The following CGNL1 variants were observed in gnomAD, a reference collection of about 807,000 sequenced individuals.
The protein encoded by CGNL1 is cingulin like 1, also known as cingulin-like protein 1.
Under a neutral mutation model 141.2 loss-of-function variants are expected in CGNL1, and 132 were observed. The ratio of observed to expected loss-of-function variants is 0.93; its 90% CI spans 0.81 to 1.08. CGNL1 has a LOEUF of 1.08. Ranked by LOEUF, CGNL1 falls within the 50% of genes least tolerant of loss-of-function variation. The pLI is 0.00. For missense variants in CGNL1, 1,870 were observed against 1,588.6 expected (o/e 1.18, Z -3.01); for synonymous variants, 690 against 622.1 (o/e 1.11, Z -1.63).
intron 1 of CGNL1, among the ~76,000 whole-genome samples, chr15:57,398,930 G>C (rs2062630760): frequency 6.6e-6 from 1 of 151,928 alleles, no homozygotes; most frequent in Non-Finnish European, 1.5e-5. Flanking sequence ...GAAAATCCAG[G>C]CCCTTTAAAT....
At position 57,518,999 on chromosome 15, in the gene CGNL1, T is replaced by G. The variant is rs554468373; in HGVS notation, c.2715+502T>G. Among the ~76,000 whole-genome samples the G allele has an allele frequency of 9.0e-4, 137 of 152,358 alleles. 1 individual carries two copies. The South Asian group carries it at 9.1e-3, about 10-fold the overall frequency. Reference sequence around the variant, plus strand: ...TTCTCCTGTGGGCAAATGCACTCTATAGAGTACATTCCTTCAGGATGGCTA... The same window carrying G: ...TTCTCCTGTGGGCAAATGCACTCTAGAGAGTACATTCCTTCAGGATGGCTA... On this transcript the variant is annotated intron_variant, in intron 10 of 18. Transcript: ENST00000281282.
chr15:57,462,078 C>T (rs1595729163), intron 8 of CGNL1, among the ~76,000 whole-genome samples, 186 bp downstream of exon 8: 1 of 152,152 alleles, frequency 6.6e-6, no homozygotes, highest in Non-Finnish European at 1.5e-5. Context: ...CTTTTAAAGT[C>T]TATAAACTGA....
At chr15:57,468,651 C>G (rs1039691784) in intron 8 of CGNL1, among the ~76,000 whole-genome samples, 6 of 151,712 alleles carry the variant, frequency 4.0e-5, no homozygotes, top group Admixed American at 6.6e-5. Flanking sequence ...ATTATGGAGA[C>G]TATTTTTAGT....
chr15:57,390,252 T>C (rs1280268445), intron 1 of CGNL1, among the ~76,000 whole-genome samples: 1 of 152,238 alleles, frequency 6.6e-6, no homozygotes, highest in Admixed American at 6.5e-5. Flanking sequence ...TTGAGGTCTA[T>C]TCCACATGTG....
At chr15:57,435,408 T>G (rs35481814) in intron 1 of CGNL1, among the ~76,000 whole-genome samples, 41,931 of 121,996 alleles carry the variant, frequency 0.34, 6,533 homozygotes, top group Non-Finnish European at 0.4. Context: ...AATTTGCAGG[T>G]TTTTTTGTTT....
intron 1 of CGNL1, among the ~76,000 whole-genome samples, chr15:57,435,144 T>C (rs2063090173): frequency 6.6e-6 from 1 of 152,250 alleles, no homozygotes; most frequent in African/African-American, 2.4e-5. Context: ...CAGTAATCGA[T>C]CATTAACGCT....
At position 57,442,182 on chromosome 15, in the gene CGNL1, G is replaced by GAAAAAAAAAAAAAAAA. The variant is rs61564944; in HGVS notation, c.1698-185_1698-170dup. Among the ~76,000 whole-genome samples the GAAAAAAAAAAAAAAAA allele has an allele frequency of 1.9e-3, 182 of 96,500 alleles. 14 individuals are homozygous for GAAAAAAAAAAAAAAAA. The highest frequency in any genetic ancestry group is 7.5e-3 in the African/African-American group (175 of 23,292). 63.3% of individuals were successfully genotyped at this position (96,500 alleles called of 152,430 possible). A position where few individuals can be genotyped will look rare whatever the true frequency, so the allele number is the denominator to read the frequency against. ...TTGAGTGGTAACACATCATTTATTTGAAAAAAAAAAAAAAAAAAAAAGACA... is the reference window on the plus strand; with the variant it reads ...TTGAGTGGTAACACATCATTTATTTGAAAAAAAAAAAAAAAAAAAAAAAAAAAAAAAAAAAAAGACA... On this transcript the variant is annotated intron_variant, in intron 3 of 18. Transcript: ENST00000281282.
chr15:57,537,257 G>A (rs373029762), intron 14 of CGNL1, among the ~76,000 whole-genome samples: 1 of 152,168 alleles, frequency 6.6e-6, no homozygotes, highest in East Asian at 1.9e-4. Flanking sequence ...GGTCTCTCCA[G>A]GGACTGAGCA....
chr15:57,447,544 T>C (rs1243300272), intron 4 of CGNL1, among the ~76,000 whole-genome samples: 1 of 152,252 alleles, frequency 6.6e-6, no homozygotes, highest in East Asian at 1.9e-4. Context: ...GTGCTTTTAA[T>C]AATTTATCTT....
rs148531212 is a variant in CGNL1, at chr15:57,527,947, A to G, written c.3040-707A>G. ...TAAGGGGCTCTCGAGAGGTTTTAAC[A>G]TGACCTAGTAAAAACGACATTTTGC... On this transcript the variant is annotated intron_variant, in intron 12 of 18. Coordinates refer to ENST00000281282, the MANE Select transcript of CGNL1 (RefSeq NM_032866.5). 3.2e-3 allele frequency among the ~76,000 whole-genome samples: 489 copies of G among 152,338 alleles called. 1 individual carries two copies. Among genetic ancestry groups the G allele is most frequent in the Middle Eastern group, 0.014 (4 of 294 alleles).
chr15:57,439,894 A>C (rs1413244716), intron 2 of CGNL1, among the ~76,000 whole-genome samples: 3 of 152,168 alleles, frequency 2.0e-5, no homozygotes, highest in African/African-American at 7.2e-5. Context: ...TATGCATGAA[A>C]TCTGAAAGTA....
chr15:57,428,734 C>T (rs1272589076), intron 1 of CGNL1, among the ~76,000 whole-genome samples: 3 of 152,088 alleles, frequency 2.0e-5, no homozygotes, highest in Admixed American at 2.0e-4. Flanking sequence ...GTCATAAAAA[C>T]AGACTGTGGG....
chr15:57,464,771 A>G (rs1464800862), intron 8 of CGNL1, among the ~76,000 whole-genome samples: 1 of 105,446 alleles, frequency 9.5e-6, no homozygotes, highest in African/African-American at 3.8e-5. Flanking sequence ...TTTTTTTGAG[A>G]TGGAGTCTTG....
chr15:57,469,250 C>A (rs550298594), intron 8 of CGNL1, among the ~76,000 whole-genome samples: 3 of 151,492 alleles, frequency 2.0e-5, no homozygotes, highest in Admixed American at 1.3e-4. Context: ...GAGCAGGCAT[C>A]GTCTCTGGGT....
rs755408452 is a variant in CGNL1, at chr15:57,453,818, G to T, written c.2190G>T (p.Glu730Asp). 3.1e-6 allele frequency: 5 copies of T among 1,613,034 alleles called. No individual in the cohort carries two copies. Among genetic ancestry groups the T allele is most frequent in the Middle Eastern group, 1.7e-4 (1 of 5,750 alleles). Reference sequence around the variant, plus strand: ...ACAGGGAGAAGGGAGCTCTGATTGAGGTAAGCAGGGCTGTGGGGTCAGGTG... The same window carrying T: ...ACAGGGAGAAGGGAGCTCTGATTGATGTAAGCAGGGCTGTGGGGTCAGGTG... ...SEDREKGALI[E>D]ELLQAKQDLQ... The change falls in exon 7 of 19, where the codon GAG (glutamate) becomes GAT (aspartate). Residue 730 changes from glutamate to aspartate, a missense_variant and splice_region_variant. By Grantham distance (45) the Glu-to-Asp change is conservative (BLOSUM62 2). Transcript: ENST00000281282.
At chr15:57,444,152 C>G (rs566160974) in intron 4 of CGNL1, among the ~76,000 whole-genome samples, 65 of 152,258 alleles carry the variant, frequency 4.3e-4, no homozygotes, top group Admixed American at 1.4e-3. Context: ...CTTCTATCAC[C>G]TAGAGTCGTT....
intron 17 of CGNL1, 28 bp from the exon 18 acceptor site, chr15:57,546,048 A>C: frequency 6.3e-7 from 1 of 1,599,392 alleles, no homozygotes; most frequent in Non-Finnish European, 8.5e-7. Flanking sequence ...ATCAGCCGGC[A>C]CTCAGCCCAC....
intron 1 of CGNL1, among the ~76,000 whole-genome samples, chr15:57,427,972 CT>C (rs66738408): frequency 0.25 from 37,779 of 148,338 alleles, 4,769 homozygotes; most frequent in African/African-American, 0.32. Context: ...AAAACCTTGA[CT>C]TTTTTTTTTT....
chr15:57,429,059 T>G (rs1040894690), intron 1 of CGNL1, among the ~76,000 whole-genome samples: 4 of 151,644 alleles, frequency 2.6e-5, no homozygotes, highest in Admixed American at 1.3e-4. Flanking sequence ...AAAGTGCAGC[T>G]GCACAGTTTA....
Sources: allele counts gnomAD v4.1 joint callset (sites outside exome capture counted in the v4.1 genomes callset), GRCh38; gene constraint gnomAD v4.1.1; transcripts MANE v1.5; gene names NCBI Gene and HGNC (gene_info 2026-07-23, HGNC 2026-07-21).